The following CEMIP variants were observed in gnomAD, a reference collection of about 807,000 sequenced individuals.
CEMIP encodes the protein cell migration-inducing and hyaluronan-binding protein.
A neutral mutation model predicts 156.9 loss-of-function variants in CEMIP; 105 were observed. The observed-to-expected ratio is 0.67, with a 90% confidence interval of 0.57 to 0.79. The LOEUF (loss-of-function observed/expected upper bound fraction) is 0.79. Among genes scored for constraint, CEMIP ranks in the 30% least tolerant of loss-of-function variants. The probability of loss-of-function intolerance (pLI) is 0.00; values close to 1 mark genes in which losing one functional copy is unlikely to be tolerated. For synonymous variants in CEMIP, 676 were observed against 668.4 expected (o/e 1.01, Z -0.17); for missense variants, 1,457 against 1,769.4 (o/e 0.82, Z 3.17).
intron 12 of CEMIP, among the ~76,000 whole-genome samples, chr15:80,900,332 G>T (rs1326644050): frequency 6.7e-6 from 1 of 148,168 alleles, no homozygotes; most frequent in South Asian, 2.2e-4. Context: ...ATGCAGGGGG[G>T]CAGCTCCAGG....
chr15:80,898,706 C>A (rs577757888), intron 12 of CEMIP, among the ~76,000 whole-genome samples: 1 of 152,294 alleles, frequency 6.6e-6, no homozygotes, highest in East Asian at 1.9e-4. Context: ...AGCCACCACA[C>A]CCGGCTATCA....
intron 10 of CEMIP, among the ~76,000 whole-genome samples, chr15:80,893,409 A>G (rs892744742): frequency 4.6e-5 from 7 of 152,134 alleles, no homozygotes; most frequent in African/African-American, 1.4e-4. Flanking sequence ...AAAAGAAAAA[A>G]CAGCAGAATT....
chr15:80,864,862 G>A (rs1386798623), intron 1 of CEMIP, among the ~76,000 whole-genome samples: 1 of 152,144 alleles, frequency 6.6e-6, no homozygotes, highest in Non-Finnish European at 1.5e-5. Context: ...AGCTTTCTGG[G>A]CCCCACCCTC....
chr15:80,859,676 C>T (rs777484604), intron 1 of CEMIP, among the ~76,000 whole-genome samples: 6 of 152,212 alleles, frequency 3.9e-5, no homozygotes, highest in South Asian at 4.1e-4. Context: ...GTATCAGAAT[C>T]GAATGGATTA....
intron 25 of CEMIP, 151 bp from the exon 26 acceptor site, chr15:80,941,698 C>T: frequency 1.4e-6 from 1 of 708,062 alleles, no homozygotes; most frequent in Non-Finnish European, 2.5e-6. Flanking sequence ...TCTCCAACTA[C>T]ATGCAACTCG....
chr15:80,845,818 G>A lies in CEMIP; in HGVS notation c.-175-27720G>A, dbSNP rs1034146598. 2.6e-5 allele frequency among the ~76,000 whole-genome samples: 4 copies of A among 152,328 alleles called. No individual in the cohort carries two copies. In the East Asian group the frequency reaches 7.7e-4, roughly 29 times the overall value. On this transcript the variant is annotated intron_variant, in intron 1 of 29. Transcript: ENST00000394685. ...CATTAGGCGGAGCTGGATGGGATCA[G>A]AGAAAATGGCTTAGACCCTGGAGTG...
Position 80,932,460 on chromosome 15 carries a change from G to C in CEMIP, c.2793+421G>C, listed in dbSNP as rs959667734. 3.9e-5 allele frequency among the ~76,000 whole-genome samples: 6 copies of C among 152,144 alleles called. No homozygotes were observed. Among genetic ancestry groups the C allele is most frequent in the African/African-American group, 1.4e-4 (6 of 41,438 alleles). ...ATGATGTTCTGTTTAATCTCTCCCC[G>C]AGAGCAGACTATAAACAGAGGCCTC... On this transcript the variant is annotated intron_variant, in intron 22 of 29. Coordinates refer to ENST00000394685, the MANE Select transcript of CEMIP (RefSeq NM_001293298.2). The surrounding 1 kb of genome is among the most constrained non-coding windows in gnomAD (Gnocchi z 4.5).
At chr15:80,894,853 C>T in intron 10 of CEMIP, 137 bp from the exon 11 acceptor site, 1 of 1,037,704 alleles carries the variant, frequency 9.6e-7, no homozygotes, top group Non-Finnish European at 1.5e-6. Context: ...TTGGGATAAT[C>T]ATCTCGGGCC....
In CEMIP at chr15:80,932,144, T is replaced by C; in HGVS notation, c.2793+105T>C. The C allele has an allele frequency of 7.7e-7, 1 of 1,294,524 alleles. No individual in the cohort carries two copies. The highest frequency in any genetic ancestry group is 1.1e-6 in the Non-Finnish European group (1 of 907,872). The allele number at this position is 1,294,524 out of a possible 1,614,324, so 80.2% of individuals were successfully genotyped here. A position where few individuals can be genotyped will look rare whatever the true frequency, so the allele number is the denominator to read the frequency against. ...TGAGCTATTGCCACCACCGCAGGGG[T>C]TGAGAAGCCTCCTCCAACTAGGCTG... On this transcript the variant is annotated intron_variant, in intron 22 of 29. Coordinates refer to ENST00000394685, the MANE Select transcript of CEMIP (RefSeq NM_001293298.2). This position sits in a 1 kb window ranked among gnomAD's most constrained non-coding sequence, Gnocchi z 4.5.
At chr15:80,897,408 G>C (rs894054774) in intron 12 of CEMIP, 4 of 452,420 alleles carry the variant, frequency 8.8e-6, no homozygotes, top group South Asian at 4.7e-5. Context: ...TAACACTCAT[G>C]GGGGAGGCGG....
intron 4 of CEMIP, 135 bp downstream of exon 4, chr15:80,879,002 T>A (rs1199739615): frequency 2.6e-6 from 3 of 1,165,356 alleles, no homozygotes; most frequent in African/African-American, 3.0e-5. Context: ...CATTTGGTTG[T>A]CTGAGATAAC....
chr15:80,833,713 G>C (rs1170897812), intron 1 of CEMIP, among the ~76,000 whole-genome samples: 1 of 148,892 alleles, frequency 6.7e-6, no homozygotes, highest in Non-Finnish European at 1.5e-5. Flanking sequence ...CTGTCACCCA[G>C]GCTGGAGTGC....
intron 1 of CEMIP, among the ~76,000 whole-genome samples, chr15:80,865,171 AT>A (rs1567074093): frequency 6.6e-6 from 1 of 152,036 alleles, no homozygotes; most frequent in African/African-American, 2.4e-5. Context: ...GAGGAACTAA[AT>A]TTTTTATTTT....
chr15:80,929,232 T>C (rs764421823), intron 21 of CEMIP, 58 bp downstream of exon 21: 13 of 1,605,070 alleles, frequency 8.1e-6, no homozygotes, highest in Non-Finnish European at 1.1e-5. Flanking sequence ...GTGGCTGTGA[T>C]GGAAGGGAAA....
intron 1 of CEMIP, among the ~76,000 whole-genome samples, chr15:80,826,437 T>A (rs1363629838): frequency 6.6e-6 from 1 of 152,226 alleles, no homozygotes; most frequent in East Asian, 1.9e-4. Context: ...AGAATATCAC[T>A]TAACACTTTT....
intron 23 of CEMIP, 131 bp from the exon 24 acceptor site, chr15:80,936,543 C>G: frequency 3.6e-6 from 3 of 827,458 alleles, no homozygotes; most frequent in Non-Finnish European, 6.3e-6. Flanking sequence ...TTCATTCAAG[C>G]CTTCTAAAAA....
intron 1 of CEMIP, among the ~76,000 whole-genome samples, chr15:80,863,351 C>G (rs1898034702): frequency 1.3e-5 from 2 of 152,196 alleles, no homozygotes; most frequent in East Asian, 1.9e-4. Flanking sequence ...CACATTCAGT[C>G]AGTCCAATGT....
intron 1 of CEMIP, among the ~76,000 whole-genome samples, chr15:80,821,061 C>A (rs898964179): frequency 5.9e-5 from 9 of 152,190 alleles, no homozygotes; most frequent in Non-Finnish European, 1.2e-4. Context: ...TGGAAAGGAA[C>A]TGTTCAAACA....
Position 80,887,524 on chromosome 15 carries a change from T to C in CEMIP, c.798-170T>C, listed in dbSNP as rs373538925. ...CCAGAGGAGTGCTTGCAAAGAAAGG[T>C]GCTTCTTCTGGAGAAGAGAAGCCCA... On this transcript the variant is annotated intron_variant, in intron 7 of 29. Transcript: ENST00000394685. 1.2e-4 allele frequency among the ~76,000 whole-genome samples: 19 copies of C among 152,134 alleles called. No individual in the cohort carries two copies. The East Asian group carries it at 1.5e-3, about 12-fold the overall frequency.
Sources: gnomAD v4.1 joint callset for allele counts (sites outside exome capture counted in the v4.1 genomes callset) on GRCh38, gnomAD v4.1.1 for gene constraint, Gnocchi (gnomAD v3.1) non-coding constraint, MANE v1.5 for transcripts, NCBI Gene and HGNC (gene_info 2026-07-23, HGNC 2026-07-21) for gene names.